METTL24: variants seen among roughly 807,000 people sequenced by gnomAD.
METTL24 encodes probable methyltransferase-like protein 24.
METTL24 carries 29 observed loss-of-function variants against 32.7 expected under a neutral mutation model. The ratio of observed to expected loss-of-function variants is 0.89; its 90% CI spans 0.66 to 1.21. METTL24 has a LOEUF of 1.21. Among genes scored for constraint, METTL24 ranks in the 50% most tolerant of loss-of-function variants. METTL24 has a pLI of 0.00. For missense variants in METTL24, 439 were observed against 468.1 expected (o/e 0.94, Z 0.57); for synonymous variants, 163 against 179.5 (o/e 0.91, Z 0.73).
chr6:110,314,913 G>A (rs936698446), intron 3 of METTL24, among the ~76,000 whole-genome samples: 4 of 152,118 alleles, frequency 2.6e-5, no homozygotes, highest in Admixed American at 6.5e-5. Context: ...GCAGTGAGCC[G>A]TGATCATGCC....
chr6:110,311,461 T>C (rs997971061), intron 3 of METTL24, among the ~76,000 whole-genome samples: 1 of 144,500 alleles, frequency 6.9e-6, no homozygotes, highest in African/African-American at 2.7e-5. Context: ...TTTTCTTTTC[T>C]TTCTTTGTTT....
At chr6:110,336,241 C>T (rs111981775) in intron 1 of METTL24, among the ~76,000 whole-genome samples, 5,408 of 152,252 alleles carry the variant, frequency 0.036, 324 homozygotes, top group African/African-American at 0.12. Context: ...AGGGGCCAGC[C>T]CGAGTCCCTG....
chr6:110,318,386 G>A (rs1771865259), intron 2 of METTL24, among the ~76,000 whole-genome samples: 1 of 152,004 alleles, frequency 6.6e-6, no homozygotes, highest in Non-Finnish European at 1.5e-5. Flanking sequence ...GGTGGCTCAC[G>A]CCTGTAATCC....
chr6:110,286,309 G>A lies in METTL24; in HGVS notation c.786+12613C>T, dbSNP rs955542788. Among the ~76,000 whole-genome samples, 3 of 152,284 alleles carry A rather than the reference G, an allele frequency of 2.0e-5. 1 individual carries two copies. The highest frequency in any genetic ancestry group is 6.5e-5 in the Admixed American group (1 of 15,284). ...TCTACGCACAGAGGTTCCTCAAAGG[G>A]ATGATCTTCACATCACCTGGGTTAG... On this transcript the variant is annotated intron_variant, in intron 4 of 4. Transcript: ENST00000338882.
chr6:110,249,984 G>A lies in METTL24; in HGVS notation c.787-3724C>T, dbSNP rs1562214999. Among the ~76,000 whole-genome samples the A allele has an allele frequency of 2.0e-5, 3 of 152,034 alleles. No homozygotes were observed. The East Asian group carries it at 5.8e-4, about 29-fold the overall frequency. On this transcript the variant is annotated intron_variant, in intron 4 of 4. Coordinates refer to ENST00000338882, the MANE Select transcript of METTL24 (RefSeq NM_001123364.3). ...ACTTTCACAAACCTTTTGAAGAAAT[G>A]AGAATTTTCATTTTTAACTGGATTA... is the stretch of plus-strand genomic sequence containing the variant.
chr6:110,245,843 G>A lies in METTL24; in HGVS notation c.*103C>T, dbSNP rs1778146146. ...ATAACACACTCCCTGCCTCAAGCAG[G>A]GCACAGGCTAGCAGGAGACTGGATG... On this transcript the variant is annotated 3_prime_UTR_variant, in exon 5 of 5. Coordinates refer to ENST00000338882, the MANE Select transcript of METTL24 (RefSeq NM_001123364.3). 6.7e-6 allele frequency: 8 copies of A among 1,196,660 alleles called. No individual in the cohort carries two copies. Among genetic ancestry groups the A allele is most frequent in the East Asian group, 2.3e-5 (1 of 42,760 alleles). The allele number at this position is 1,196,660 out of a possible 1,614,324, so 74.1% of individuals were successfully genotyped here.
At chr6:110,356,899 G>A (rs920591336) in intron 1 of METTL24, among the ~76,000 whole-genome samples, 1 of 152,204 alleles carries the variant, frequency 6.6e-6, no homozygotes, top group East Asian at 1.9e-4. Context: ...CGAAGGAAGC[G>A]AGGAAGTGAA....
intron 4 of METTL24, among the ~76,000 whole-genome samples, chr6:110,295,254 C>T (rs1771392931): frequency 6.6e-6 from 1 of 152,020 alleles, no homozygotes; most frequent in South Asian, 2.1e-4. Flanking sequence ...TGCTATGTTG[C>T]CCCAGCTGTG....
chr6:110,334,685 A>G (rs1265455030), intron 1 of METTL24, among the ~76,000 whole-genome samples: 2 of 152,192 alleles, frequency 1.3e-5, no homozygotes, highest in East Asian at 3.9e-4. Context: ...ATCACATCCC[A>G]CTGAATATGT....
chr6:110,350,817 T>A (rs979507214), intron 1 of METTL24, among the ~76,000 whole-genome samples: 1 of 134,692 alleles, frequency 7.4e-6, no homozygotes, highest in African/African-American at 2.7e-5. Flanking sequence ...TAAAATAAAA[T>A]AAAAAATTAG....
intron 4 of METTL24, among the ~76,000 whole-genome samples, chr6:110,272,760 A>G (rs1269801981): frequency 2.2e-4 from 34 of 152,058 alleles, no homozygotes; most frequent in Non-Finnish European, 4.4e-5. Context: ...GGCCGTTTGT[A>G]TATCTTCTTT....
rs552479766 is a variant in METTL24 at position 110,285,809 on chromosome 6, T to A, written c.786+13113A>T. 5.9e-5 allele frequency among the ~76,000 whole-genome samples: 9 copies of A among 152,342 alleles called. No homozygotes were observed. In the East Asian group the frequency reaches 1.2e-3, roughly 20 times the overall value. On this transcript the variant is annotated intron_variant, in intron 4 of 4. Transcript: ENST00000338882. ...AGCCCTCTGCTCCCTCAAGAGGCAC[T>A]TGGTTCTCATTCCCCAAACTTCTTG...
At chr6:110,261,580 ATCCAGGAATTGAAC>A (rs1238269380) in intron 4 of METTL24, among the ~76,000 whole-genome samples, 2 of 152,190 alleles carry the variant, frequency 1.3e-5, no homozygotes, top group Non-Finnish European at 1.5e-5. Context: ...TAACAAGGAT[ATCCAGGAATTGAAC>A]TCAGCTCTGC....
chr6:110,327,899 A>G (rs1300571601), intron 1 of METTL24, among the ~76,000 whole-genome samples: 2 of 152,248 alleles, frequency 1.3e-5, no homozygotes, highest in African/African-American at 4.8e-5. Context: ...TTCAAATATC[A>G]AGTGGCCATA....
intron 4 of METTL24, among the ~76,000 whole-genome samples, chr6:110,295,794 A>AAAAGAAAGAAAGGAAGG (rs1771403233): frequency 3.9e-4 from 53 of 136,318 alleles, no homozygotes; most frequent in African/African-American, 1.5e-3. Flanking sequence ...AGAAAGAAAG[A>AAAAGAAAGAAAGGAAGG]AAGGAAGGAA....
Position 110,358,176 on chromosome 6 carries a change from G to C in METTL24, c.97C>G (p.Leu33Val). 7.3e-7 allele frequency: 1 copy of C among 1,370,420 alleles called. No homozygotes were observed. Among genetic ancestry groups the C allele is most frequent in the Non-Finnish European group, 9.4e-7 (1 of 1,064,740 alleles). The allele number at this position is 1,370,420 out of a possible 1,614,324, so 84.9% of individuals were successfully genotyped here. A position where few individuals can be genotyped will look rare whatever the true frequency, so the allele number is the denominator to read the frequency against. ...GGGGACCCGGGCCCGGCGCGCCGCA[G>C]CTCTGCGCAGAGCCGCAGGCCGAAC... ...LLFGLRLCAE[L>V]RRAGPGSPTR... The change falls in exon 1 of 5, where the codon CTG becomes GTG. Residue 33 changes from leucine to valine, a missense_variant. Leu to Val is a conservative substitution (Grantham distance 32). Transcript: ENST00000338882.
At chr6:110,353,567 T>G (rs1772651381) in intron 1 of METTL24, among the ~76,000 whole-genome samples, 1 of 151,120 alleles carries the variant, frequency 6.6e-6, no homozygotes, top group African/African-American at 2.4e-5. Flanking sequence ...TTTTTTTTTT[T>G]TCCGCCTGAC....
At chr6:110,345,525 C>A (rs142591394) in intron 1 of METTL24, among the ~76,000 whole-genome samples, 2,797 of 152,306 alleles carry the variant, frequency 0.018, 75 homozygotes, top group East Asian at 0.11. Flanking sequence ...TGGAATCAAC[C>A]TAAATGCCCA....
chr6:110,315,015 A>G (rs1771792798), intron 3 of METTL24, among the ~76,000 whole-genome samples: 2 of 151,792 alleles, frequency 1.3e-5, no homozygotes, highest in African/African-American at 4.8e-5. Context: ...TGCACGCAGT[A>G]ATATTCTTCT....
Sources: gnomAD v4.1 joint callset for allele counts (sites outside exome capture counted in the v4.1 genomes callset) on GRCh38, gnomAD v4.1.1 for gene constraint, MANE v1.5 for transcripts, NCBI Gene and HGNC (gene_info 2026-07-23, HGNC 2026-07-21) for gene names.